The following TMEM87B variants were observed in gnomAD, a reference collection of about 807,000 sequenced individuals.
TMEM87B encodes the protein transmembrane protein 87B.
Under a neutral mutation model 80.3 loss-of-function variants are expected in TMEM87B, and 83 were observed. The observed-to-expected ratio is 1.03, with a 90% CI of 0.87 to 1.24. The LOEUF (loss-of-function observed/expected upper bound fraction) is 1.24, where lower values mean the gene tolerates loss of function less well. TMEM87B is among the 50% of genes most tolerant of loss of function. The pLI is 0.00. For missense variants in TMEM87B, 625 were observed against 674.4 expected, an observed-to-expected ratio of 0.93 and a Z score of 0.81; for synonymous variants, 219 against 230.5, an observed-to-expected ratio of 0.95 and a Z score of 0.45.
intron 9 of TMEM87B, among the ~76,000 whole-genome samples, chr2:112,088,435 T>C (rs920893083): frequency 2.6e-5 from 4 of 152,238 alleles, no homozygotes; most frequent in Middle Eastern, 3.2e-3. Context: ...TTGGAGGTTC[T>C]GGTTAGTTGA....
chr2:112,069,177 C>T lies in TMEM87B; in HGVS notation c.450+2110C>T, dbSNP rs545853504. Among the ~76,000 whole-genome samples, 622 of 127,064 alleles carry T rather than the reference C, an allele frequency of 4.9e-3. 5 individuals carry two copies. Among genetic ancestry groups the T allele is most frequent in the African/African-American group, 0.018 (570 of 31,402 alleles). 83.4% of individuals were successfully genotyped at this position (127,064 alleles called of 152,430 possible). ...ACTGCAGTCCGCAGTCTGGCCTGGGCGACAGAGCGAGACTCCGTCTCAAAA... is the reference window on the plus strand; with the variant it reads ...ACTGCAGTCCGCAGTCTGGCCTGGGTGACAGAGCGAGACTCCGTCTCAAAA... On this transcript the variant is annotated intron_variant, in intron 4 of 18. Transcript: ENST00000283206.
chr2:112,074,809 T>C (rs1678759145), intron 4 of TMEM87B, 103 bp from the exon 5 acceptor site: 1 of 1,320,642 alleles, frequency 7.6e-7, no homozygotes, highest in Non-Finnish European at 9.9e-7. Flanking sequence ...TTTAGCTTTT[T>C]AATTTTTCAT....
At chr2:112,105,661 T>C (rs773380206) in intron 15 of TMEM87B, among the ~76,000 whole-genome samples, 2 of 152,244 alleles carry the variant, frequency 1.3e-5, no homozygotes, top group Non-Finnish European at 2.9e-5. Context: ...TGTTCTTGAA[T>C]GTACCATGAA....
intron 8 of TMEM87B, among the ~76,000 whole-genome samples, chr2:112,083,666 AGGTG>A (rs951385400): frequency 1.3e-5 from 2 of 152,216 alleles, no homozygotes; most frequent in African/African-American, 4.8e-5. Context: ...AGAGGCTTCC[AGGTG>A]ATTCCAATAT....
chr2:112,097,221 T>A lies in TMEM87B; in HGVS notation c.1214-12T>A. The A allele has an allele frequency of 6.2e-7, 1 of 1,605,560 alleles. No individual in the cohort carries two copies. The highest frequency in any genetic ancestry group is 8.5e-7 in the Non-Finnish European group (1 of 1,177,974). On this transcript the variant is annotated splice_polypyrimidine_tract_variant and intron_variant, in intron 12 of 18. Coordinates refer to ENST00000283206, the MANE Select transcript of TMEM87B (RefSeq NM_032824.3). ...TTATATTCCTTCAAAGGTGACTTTT[T>A]GTGTGTTTCAGCTTCTATAGTGTTT... is the stretch of plus-strand genomic sequence containing the variant.
At chr2:112,071,541 A>C (rs1174435395) in intron 4 of TMEM87B, among the ~76,000 whole-genome samples, 1 of 151,606 alleles carries the variant, frequency 6.6e-6, no homozygotes, top group Non-Finnish European at 1.5e-5. Flanking sequence ...TCCTGACCTT[A>C]AGTGATCCTG....
intron 6 of TMEM87B, among the ~76,000 whole-genome samples, chr2:112,079,093 C>G (rs748033990): frequency 3.3e-5 from 5 of 152,174 alleles, no homozygotes; most frequent in Non-Finnish European, 7.3e-5. Context: ...ATACTCATCA[C>G]CCCAAATGCT....
At chr2:112,095,012 A>G (rs752987584) in intron 11 of TMEM87B, among the ~76,000 whole-genome samples, 3 of 152,000 alleles carry the variant, frequency 2.0e-5, no homozygotes, top group East Asian at 3.9e-4. Flanking sequence ...TGAACTTAAT[A>G]TAACCAATCC....
intron 1 of TMEM87B, 58 bp downstream of exon 1, chr2:112,055,814 C>A (rs9308665): frequency 7.0e-7 from 1 of 1,438,486 alleles, no homozygotes; most frequent in Admixed American, 3.0e-5. Context: ...GGCCGTCGTG[C>A]GGCTTCGCTT....
intron 4 of TMEM87B, among the ~76,000 whole-genome samples, chr2:112,069,061 G>A (rs1180633490): frequency 1.3e-5 from 2 of 151,308 alleles, no homozygotes; most frequent in Non-Finnish European, 1.5e-5. Flanking sequence ...GCGCGGTGGC[G>A]GGCGCCTGTA....
At chr2:112,091,966 G>GTTTA (rs1679315141) in intron 11 of TMEM87B, among the ~76,000 whole-genome samples, 183 bp downstream of exon 11, 1 of 152,188 alleles carries the variant, frequency 6.6e-6, no homozygotes, top group Admixed American at 6.5e-5. Flanking sequence ...TTTCTATGTA[G>GTTTA]TTTAGCAAAC....
chr2:112,112,866 A>G, intron 17 of TMEM87B, 33 bp from the exon 18 acceptor site: 1 of 1,608,422 alleles, frequency 6.2e-7, no homozygotes, highest in Admixed American at 1.7e-5. Context: ...TACTGTTAAC[A>G]ACATTATCAC....
intron 11 of TMEM87B, among the ~76,000 whole-genome samples, chr2:112,096,330 C>T (rs989470939): frequency 6.6e-6 from 1 of 152,138 alleles, no homozygotes; most frequent in Non-Finnish European, 1.5e-5. Context: ...AAGACATTCC[C>T]TCATCGGTGT....
At chr2:112,060,395 A>T (rs1245224617) in intron 2 of TMEM87B, among the ~76,000 whole-genome samples, 1 of 152,178 alleles carries the variant, frequency 6.6e-6, no homozygotes, top group African/African-American at 2.4e-5. Context: ...ATATATAAAC[A>T]ACATAATATA....
At chr2:112,055,867 G>C (rs977590162) in intron 1 of TMEM87B, 111 bp downstream of exon 1, 25 of 1,323,038 alleles carry the variant, frequency 1.9e-5, no homozygotes, top group Middle Eastern at 2.1e-4. Context: ...GTCAGCACCG[G>C]GTCCCCTGAT....
Position 112,055,297 on chromosome 2 carries a change from C to T in TMEM87B, c.-295C>T, listed in dbSNP as rs1678002546. ...TTCACGCCCACGCTAGGCCCTGAGC[C>T]CAGCCTCCACGTCTCGCCGCCAACT... On this transcript the variant is annotated 5_prime_UTR_variant, in exon 1 of 19. Transcript: ENST00000283206. 2.2e-6 allele frequency: 1 copy of T among 455,686 alleles called. No homozygotes were observed. Among genetic ancestry groups the T allele is most frequent in the Non-Finnish European group, 3.9e-6 (1 of 257,944 alleles). The allele number at this position is 455,686 out of a possible 1,614,324, so 28.2% of individuals were successfully genotyped here.
intron 4 of TMEM87B, 151 bp from the exon 5 acceptor site, chr2:112,074,761 A>G: frequency 9.8e-7 from 1 of 1,017,232 alleles, no homozygotes; most frequent in African/African-American, 1.7e-5. Flanking sequence ...GAACTTTGTT[A>G]CTTGTGTTTG....
rs1425556838 is a variant in TMEM87B at position 112,063,151 on chromosome 2, C to CT, written c.227-1010dup. Among the ~76,000 whole-genome samples, 3 of 152,184 alleles carry CT rather than the reference C, an allele frequency of 2.0e-5. No individual in the cohort carries two copies. The East Asian group carries it at 5.8e-4, about 29-fold the overall frequency. On this transcript the variant is annotated intron_variant, in intron 2 of 18. Coordinates refer to ENST00000283206, the MANE Select transcript of TMEM87B (RefSeq NM_032824.3). Reference sequence around the variant, plus strand: ...GTTATTCATGATCTTGTGTGGTCCTCTAACACATTTTATCAGAGTTGGTCT... The same window carrying CT: ...GTTATTCATGATCTTGTGTGGTCCTCTTAACACATTTTATCAGAGTTGGTCT...
intron 11 of TMEM87B, among the ~76,000 whole-genome samples, chr2:112,094,763 G>T (rs1038792009): frequency 6.6e-6 from 1 of 152,148 alleles, no homozygotes; most frequent in African/African-American, 2.4e-5. Flanking sequence ...AAGATCTTTA[G>T]TGTTTCATGG....
Sources: gnomAD v4.1 joint callset for allele counts (sites outside exome capture counted in the v4.1 genomes callset) on GRCh38, gnomAD v4.1.1 for gene constraint, MANE v1.5 for transcripts, NCBI Gene and HGNC (gene_info 2026-07-23, HGNC 2026-07-21) for gene names.